Variants in CCP110 observed in about 807,000 individuals in gnomAD.
CCP110 encodes the protein centriolar coiled-coil protein 110, also known as centriolar coiled-coil protein of 110 kDa.
In CCP110, 43 loss-of-function variants were observed where a neutral mutation model predicts 105.5. The ratio of observed to expected loss-of-function variants is 0.41; its 90% CI spans 0.32 to 0.53. The LOEUF is 0.53. CCP110 is among the 20% of genes least tolerant of loss of function. The probability of loss-of-function intolerance (pLI) is 0.32; values close to 1 mark genes in which losing one functional copy is unlikely to be tolerated. For missense variants in CCP110, 1,016 were observed against 1,189.1 expected (o/e 0.85, Z 2.14); for synonymous variants, 353 against 392.1 (o/e 0.90, Z 1.18).
chr16:19,533,581 G>A (rs1460759218), intron 3 of CCP110, among the ~76,000 whole-genome samples: 1 of 152,204 alleles, frequency 6.6e-6, no homozygotes, highest in Non-Finnish European at 1.5e-5. Context: ...TAGAGGAACA[G>A]TCAGTTATGC....
intron 3 of CCP110, among the ~76,000 whole-genome samples, chr16:19,533,949 A>G (rs1422719107): frequency 1.3e-5 from 2 of 152,190 alleles, no homozygotes; most frequent in Non-Finnish European, 1.5e-5. Flanking sequence ...CGAAATCCCT[A>G]TGTAATGAGT....
At chr16:19,541,724 G>C (rs917081354) in intron 5 of CCP110, among the ~76,000 whole-genome samples, 163 bp from the exon 6 acceptor site, 4 of 148,244 alleles carry the variant, frequency 2.7e-5, no homozygotes, top group African/African-American at 9.8e-5. Flanking sequence ...AGGGAGGGAA[G>C]GGAAGGGAAG....
chr16:19,534,872 CTTT>C (rs35522152), intron 3 of CCP110, among the ~76,000 whole-genome samples: 1 of 100,536 alleles, frequency 9.9e-6, no homozygotes, highest in Non-Finnish European at 1.9e-5. Context: ...AATATTCAGA[CTTT>C]TTTTTTTTTT....
chr16:19,546,115 C>T (rs1970449512), intron 11 of CCP110: 1 of 528,298 alleles, frequency 1.9e-6, no homozygotes, highest in Non-Finnish European at 3.3e-6. Flanking sequence ...ACTCATATAA[C>T]TGATAGCTGG....
At chr16:19,535,857 T>C (rs1970032463) in intron 3 of CCP110, 83 bp from the exon 4 acceptor site, 2 of 999,574 alleles carry the variant, frequency 2.0e-6, no homozygotes, top group Admixed American at 2.9e-5. Flanking sequence ...GAATTTTCAA[T>C]TTCAATTTTA....
exon 4 of CCP110, chr16:19,536,927 A>G: frequency 6.2e-7 from 1 of 1,614,206 alleles, no homozygotes; most frequent in Non-Finnish European, 8.5e-7. Context: ...TGAAAACACA[A>G]ATGTGCCCGA....
chr16:19,546,876 G>A (rs1970478857), intron 12 of CCP110: 1 of 158,532 alleles, frequency 6.3e-6, no homozygotes. Context: ...CATTTTTGTT[G>A]ACTTTGTTCT....
In CCP110 at chr16:19,547,944, T is replaced by C; in HGVS notation, c.2841-11T>C. On this transcript the variant is annotated splice_polypyrimidine_tract_variant and intron_variant, in intron 12 of 14. Coordinates refer to ENST00000381396, the Ensembl canonical transcript of CCP110. The stretch of plus-strand genomic sequence containing the variant: ...CCTATTAAATTAATTTTTCATTTAA[T>C]TTGTCAACAGAGTCCTTCAGCCAAA... The C allele has an allele frequency of 6.3e-7, 1 of 1,592,834 alleles. No homozygotes were observed. The highest frequency in any genetic ancestry group is 8.6e-7 in the Non-Finnish European group (1 of 1,161,250).
At chr16:19,541,492 T>C (rs954797108) in intron 5 of CCP110, among the ~76,000 whole-genome samples, 11 of 151,344 alleles carry the variant, frequency 7.3e-5, no homozygotes, top group African/African-American at 2.7e-4. Context: ...AAAATGGTGG[T>C]GTATGGACCT....
intron 4 of CCP110, among the ~76,000 whole-genome samples, chr16:19,538,299 G>GTTTTTTTTTTTT (rs1555491002): frequency 4.6e-5 from 4 of 86,824 alleles, no homozygotes; most frequent in African/African-American, 2.4e-4. Flanking sequence ...GGAGGAAACA[G>GTTTTTTTTTTTT]TTCTTTTTTT....
At chr16:19,530,779 C>T (rs1969838951) in intron 2 of CCP110, among the ~76,000 whole-genome samples, 1 of 151,960 alleles carries the variant, frequency 6.6e-6, no homozygotes, top group African/African-American at 2.4e-5. Context: ...CATGGCGAAA[C>T]CCCTTGTCTA....
intron 12 of CCP110, 48 bp downstream of exon 12, chr16:19,546,522 G>GAA (rs112602419): frequency 1.7e-3 from 1,852 of 1,085,078 alleles, no homozygotes; most frequent in Admixed American, 2.3e-3. Context: ...GTTTTTTATA[G>GAA]AAAAAAAAAA....
At chr16:19,526,253 C>T (rs1028415152) in intron 1 of CCP110, 14 of 152,060 alleles carry the variant, frequency 9.2e-5, no homozygotes, top group Non-Finnish European at 1.9e-4. Context: ...AATAATTTCC[C>T]TCACTTCTAA....
chr16:19,532,448 A>T, exon 3 of CCP110: 3 of 1,605,502 alleles, frequency 1.9e-6, no homozygotes, highest in Non-Finnish European at 2.5e-6. Flanking sequence ...AAATGCAACA[A>T]GAAAAGCAGA....
At position 19,546,633 on chromosome 16, in the gene CCP110, A is replaced by G. The variant is rs1248390101; in HGVS notation, c.2840+159A>G. On this transcript the variant is annotated intron_variant, in intron 12 of 14. Coordinates refer to ENST00000381396, the Ensembl canonical transcript of CCP110. ...GGAGTTTGAGACCAGCCTGACCAAC[A>G]TGGAAAACCCCATCTCTACTAAAAA... 8.3e-6 allele frequency: 4 copies of G among 483,276 alleles called. No homozygotes were observed. In the East Asian group the frequency reaches 1.5e-4, roughly 18 times the overall value. 29.9% of individuals were successfully genotyped at this position (483,276 alleles called of 1,614,324 possible). A position where few individuals can be genotyped will look rare whatever the true frequency, so the allele number is the denominator to read the frequency against.
chr16:19,537,783 G>T (rs765723281), intron 4 of CCP110, among the ~76,000 whole-genome samples, 196 bp downstream of exon 4: 1 of 152,100 alleles, frequency 6.6e-6, no homozygotes, highest in Non-Finnish European at 1.5e-5. Flanking sequence ...TTGAGACAAG[G>T]TCTGGCTCTA....
chr16:19,550,903 A>C (rs1970616210), intron 14 of CCP110, among the ~76,000 whole-genome samples: 1 of 152,228 alleles, frequency 6.6e-6, no homozygotes, highest in Admixed American at 6.5e-5. Context: ...ATCAAAGCAG[A>C]GTAGGAGGTG....
At chr16:19,538,302 C>CTTTTCTTTTT (rs1970151622) in intron 4 of CCP110, among the ~76,000 whole-genome samples, 1 of 55,246 alleles carries the variant, frequency 1.8e-5, no homozygotes, top group Admixed American at 2.4e-4. Context: ...GGAAACAGTT[C>CTTTTCTTTTT]TTTTTTTTTT....
intron 8 of CCP110, 145 bp from the exon 9 acceptor site, chr16:19,544,652 A>G: frequency 3.4e-6 from 2 of 584,916 alleles, no homozygotes; most frequent in Admixed American, 3.2e-5. Flanking sequence ...GGATTTTGGT[A>G]TCTGAGGGAT....
Sources: gnomAD v4.1 joint callset for allele counts (sites outside exome capture counted in the v4.1 genomes callset) on GRCh38, gnomAD v4.1.1 for gene constraint, MANE v1.5 for transcripts, NCBI Gene and HGNC (gene_info 2026-07-23, HGNC 2026-07-21) for gene names.